Variants in DCC observed in about 807,000 individuals in gnomAD.
DCC encodes netrin receptor DCC.
In DCC, 58 loss-of-function variants were observed where a neutral mutation model predicts 172.5. That is an observed-to-expected ratio of 0.34 (90% CI 0.27 to 0.42). The LOEUF is 0.42. DCC is among the 10% of genes least tolerant of loss of function. The pLI, the probability that DCC is intolerant of heterozygous loss-of-function variation, is 1.00. For synonymous variants in DCC, 709 were observed against 644.5 expected (o/e 1.10, Z -1.52); for missense variants, 1,740 against 1,791.0 (o/e 0.97, Z 0.51).
chr18:52,690,487 C>A (rs2035914498), intron 1 of DCC, among the ~76,000 whole-genome samples: 1 of 152,086 alleles, frequency 6.6e-6, no homozygotes, highest in South Asian at 2.1e-4. Context: ...GACAAAATTA[C>A]AGAAATGAAA....
intron 5 of DCC, among the ~76,000 whole-genome samples, chr18:52,959,678 A>G (rs1255944448): frequency 6.6e-6 from 1 of 152,116 alleles, no homozygotes; most frequent in Non-Finnish European, 1.5e-5. Context: ...CAGTTTTTTA[A>G]ATCATCACAC....
At chr18:53,279,191 T>C (rs574946689) in intron 12 of DCC, among the ~76,000 whole-genome samples, 1 of 152,232 alleles carries the variant, frequency 6.6e-6, no homozygotes, top group South Asian at 2.1e-4. Context: ...CATGTGCACA[T>C]GCACACGTAT....
chr18:53,264,470 C>T (rs2144690739), intron 12 of DCC, among the ~76,000 whole-genome samples: 1 of 142,746 alleles, frequency 7.0e-6, no homozygotes, highest in East Asian at 2.0e-4. Flanking sequence ...GAGCAAAACT[C>T]CGTCTCAAAA....
intron 1 of DCC, among the ~76,000 whole-genome samples, chr18:52,580,167 A>T (rs895559934): frequency 6.6e-6 from 1 of 152,240 alleles, no homozygotes; most frequent in Admixed American, 6.5e-5. Context: ...GTCTAAACTT[A>T]TCACAATATC....
intron 5 of DCC, among the ~76,000 whole-genome samples, chr18:53,039,703 C>G (rs1020508102): frequency 3.9e-5 from 6 of 151,934 alleles, no homozygotes; most frequent in Non-Finnish European, 7.4e-5. Context: ...GGTTATTGGT[C>G]ATTATGTCAC....
intron 15 of DCC, among the ~76,000 whole-genome samples, chr18:53,385,021 CTT>C (rs35779527): frequency 2.4e-3 from 315 of 131,036 alleles, no homozygotes; most frequent in East Asian, 6.5e-3. Context: ...TAATTTTTTT[CTT>C]TTTTTTTTTT....
chr18:52,741,085 T>C (rs940886662), intron 1 of DCC, among the ~76,000 whole-genome samples: 1 of 152,226 alleles, frequency 6.6e-6, no homozygotes, highest in African/African-American at 2.4e-5. Context: ...AGCTTTCTTT[T>C]GCAATTGAAA....
intron 7 of DCC, among the ~76,000 whole-genome samples, chr18:53,142,872 C>T (rs192738643): frequency 1.3e-3 from 195 of 152,304 alleles, no homozygotes; most frequent in African/African-American, 4.3e-3. Flanking sequence ...TTCCCAGACT[C>T]CTTTTTCTGT....
rs117069367 is a variant in DCC, at chr18:52,423,331, G to A, written c.91+82453G>A. Among the ~76,000 whole-genome samples, 273 of 152,252 alleles carry A rather than the reference G, an allele frequency of 1.8e-3. 6 individuals carry two copies. In the East Asian group the frequency reaches 0.043, roughly 24 times the overall value. ...ATCTTCAAACTGGGGGATCTGCAAA[G>A]TCGTCAGAGTGGTGGGGTTGAAGCC... On this transcript the variant is annotated intron_variant, in intron 1 of 28. Coordinates refer to ENST00000442544, the MANE Select transcript of DCC (RefSeq NM_005215.4).
rs181146997 is a variant in DCC at position 53,111,636 on chromosome 18, A to G, written c.1261+45470A>G. 2.8e-4 allele frequency among the ~76,000 whole-genome samples: 43 copies of G among 151,514 alleles called. No individual in the cohort carries two copies. The East Asian group carries it at 8.2e-3, about 29-fold the overall frequency. ...GTTTAAATTGCTTTAAAAGAGGAAG[A>G]AAAAAAATTATCTCATCATGTTTAG... On this transcript the variant is annotated intron_variant, in intron 7 of 28. Transcript: ENST00000442544.
At chr18:53,063,858 T>C (rs553414631) in intron 6 of DCC, among the ~76,000 whole-genome samples, 5 of 152,302 alleles carry the variant, frequency 3.3e-5, no homozygotes, top group African/African-American at 4.8e-5. Context: ...TTATAAGATA[T>C]GATACTTATG....
intron 27 of DCC, among the ~76,000 whole-genome samples, chr18:53,517,676 G>A (rs989753330): frequency 6.6e-6 from 1 of 151,972 alleles, no homozygotes. Flanking sequence ...GGGGAGCAGG[G>A]CACCTCATCA....
chr18:52,701,493 G>A (rs920365282), intron 1 of DCC, among the ~76,000 whole-genome samples: 5 of 152,080 alleles, frequency 3.3e-5, no homozygotes, highest in African/African-American at 1.2e-4. Flanking sequence ...ATGATAAGAC[G>A]AAATGCAATA....
At chr18:53,336,710 G>A (rs1203345663) in intron 14 of DCC, among the ~76,000 whole-genome samples, 1 of 152,140 alleles carries the variant, frequency 6.6e-6, no homozygotes, top group Non-Finnish European at 1.5e-5. Context: ...AATAAAATAA[G>A]TAGATAGATA....
chr18:52,863,726 T>G (rs558670638), intron 2 of DCC, among the ~76,000 whole-genome samples: 2 of 151,918 alleles, frequency 1.3e-5, no homozygotes, highest in Admixed American at 1.3e-4. Flanking sequence ...TTACAGCTAT[T>G]TAATCTATTT....
rs1381487543 is a variant in DCC, at chr18:53,499,277, CT to C, written c.3899-17del. ...GACTTTGTCCAGGAATAATGAATGA[CT>C]TTTCTTGTCTCCACTGCAGCAGTGA... is the stretch of plus-strand genomic sequence containing the variant. On this transcript the variant is annotated intron_variant, in intron 26 of 28. Transcript: ENST00000442544. 3 of 1,613,122 alleles carry C rather than the reference CT, an allele frequency of 1.9e-6. No individual in the cohort carries two copies. Among genetic ancestry groups the C allele is most frequent in the Non-Finnish European group, 2.5e-6 (3 of 1,179,240 alleles).
At chr18:53,285,111 A>G (rs2056920905) in intron 12 of DCC, among the ~76,000 whole-genome samples, 1 of 149,856 alleles carries the variant, frequency 6.7e-6, no homozygotes, top group Non-Finnish European at 1.5e-5. Context: ...AATTTGATGG[A>G]AAAAAAAATC....
At chr18:52,703,844 C>G (rs991099627) in intron 1 of DCC, among the ~76,000 whole-genome samples, 2 of 151,286 alleles carry the variant, frequency 1.3e-5, no homozygotes, top group African/African-American at 4.9e-5. Flanking sequence ...AGAGATATCA[C>G]TCACTATTTC....
At chr18:53,270,832 G>A (rs1225891272) in intron 12 of DCC, among the ~76,000 whole-genome samples, 2 of 152,074 alleles carry the variant, frequency 1.3e-5, no homozygotes, top group African/African-American at 4.8e-5. Context: ...TTATTATTAA[G>A]AGAAAACTCT....
Sources: gnomAD v4.1 joint callset for allele counts (sites outside exome capture counted in the v4.1 genomes callset) on GRCh38, gnomAD v4.1.1 for gene constraint, MANE v1.5 for transcripts, NCBI Gene and HGNC (gene_info 2026-07-23, HGNC 2026-07-21) for gene names.